Variants in ZNF668 observed in about 807,000 individuals in gnomAD.
ZNF668 encodes zinc finger protein 668.
Under a neutral mutation model 40.3 loss-of-function variants are expected in ZNF668, and 10 were observed. That is an observed-to-expected ratio of 0.25 (90% CI 0.15 to 0.42). ZNF668 has a LOEUF of 0.42. ZNF668 is among the 10% of genes least tolerant of loss of function. ZNF668 has a pLI of 1.00. For missense variants in ZNF668, 749 were observed against 904.6 expected (o/e 0.83, Z 2.21); for synonymous variants, 428 against 384.6 (o/e 1.11, Z -1.32).
intron 1 of ZNF668, among the ~76,000 whole-genome samples, chr16:31,067,333 G>A (rs932870472): frequency 6.6e-6 from 1 of 152,162 alleles, no homozygotes; most frequent in Non-Finnish European, 1.5e-5. Context: ...TACCCTTCAT[G>A]GCAACCCCAT....
At chr16:31,068,494 T>C (rs559342681) in intron 1 of ZNF668, among the ~76,000 whole-genome samples, 7 of 149,580 alleles carry the variant, frequency 4.7e-5, no homozygotes, top group Non-Finnish European at 1.0e-4. Context: ...AGTGCTGGGA[T>C]TACAGGCGAG....
intron 1 of ZNF668, chr16:31,066,018 G>A (rs1347716728): frequency 2.0e-6 from 2 of 985,256 alleles, no homozygotes; most frequent in Non-Finnish European, 2.4e-6. Flanking sequence ...AAGGGCGGGA[G>A]AAGCAGCTTA....
At position 31,064,139 on chromosome 16, in the gene ZNF668, C is replaced by G; in HGVS notation, c.321G>C (p.Thr107=). Residue 107 remains threonine, a synonymous_variant, in exon 2 of 3, where the codon ACG becomes ACC. Transcript: ENST00000300849. ...CGGGGCACGGAAAGGGCTTCTCCCCCGTGTGGCTGCGCCCGTGGCTGCGCA... is the reference window on the plus strand; with the variant it reads ...CGGGGCACGGAAAGGGCTTCTCCCCGGTGTGGCTGCGCCCGTGGCTGCGCA... ...PELRSHGRSH[T]GEKPFPCPEC... The G allele has an allele frequency of 6.2e-7, 1 of 1,607,626 alleles. No individual in the cohort carries two copies. Among genetic ancestry groups the G allele is most frequent in the Non-Finnish European group, 8.5e-7 (1 of 1,178,540 alleles).
intron 1 of ZNF668, chr16:31,065,954 G>A (rs751828192): frequency 1.1e-6 from 1 of 930,052 alleles, no homozygotes; most frequent in East Asian, 1.2e-4. Flanking sequence ...AAACTGAGCT[G>A]AGCCACGAGG....
In ZNF668 at chr16:31,066,062, G is replaced by A. The variant is rs1192093215; in HGVS notation, c.-22-1581C>T. 10 of 985,350 alleles carry A rather than the reference G, an allele frequency of 1.0e-5. No homozygotes were observed. In the South Asian group the frequency reaches 4.7e-4, roughly 46 times the overall value. 61.0% of individuals were successfully genotyped at this position (985,350 alleles called of 1,614,324 possible). On this transcript the variant is annotated intron_variant, in intron 1 of 2. Coordinates refer to ENST00000300849, the MANE Select transcript of ZNF668 (RefSeq NM_024706.5). ...ACCCAGGGAGGACACAGGAGCCCCT[G>A]ACGCGTGGCAAGGGCCACATCCTTA...
intron 1 of ZNF668, chr16:31,064,793 G>T: frequency 2.0e-6 from 3 of 1,472,448 alleles, no homozygotes; most frequent in Admixed American, 2.4e-5. Context: ...GGTTCCATCT[G>T]TCTCACCATC....
chr16:31,071,587 A>T (rs2057015819), intron 1 of ZNF668, among the ~76,000 whole-genome samples: 1 of 152,180 alleles, frequency 6.6e-6, no homozygotes, highest in African/African-American at 2.4e-5. Flanking sequence ...CTAGGACTAT[A>T]GGCACCCACC....
At chr16:31,065,023 A>C in intron 1 of ZNF668, 12 of 1,128,476 alleles carry the variant, frequency 1.1e-5, no homozygotes, top group Non-Finnish European at 1.2e-5. Flanking sequence ...CCTCAGAGAC[A>C]GCAACTGTTC....
rs2056970260 is a variant in ZNF668 at position 31,064,896 on chromosome 16, A to C, written c.-22-415T>G. The stretch of plus-strand genomic sequence containing the variant: ...CTGAAGGTCTCCAAGCGCCCAGAAA[A>C]GACAGACCTGGGACCAGAAAAGGGC... On this transcript the variant is annotated intron_variant, in intron 1 of 2. Transcript: ENST00000300849. 2.3e-5 allele frequency: 32 copies of C among 1,410,504 alleles called. No homozygotes were observed. The South Asian group carries it at 5.0e-4, about 22-fold the overall frequency. 87.4% of individuals were successfully genotyped at this position (1,410,504 alleles called of 1,614,324 possible). A position where few individuals can be genotyped will look rare whatever the true frequency, so the allele number is the denominator to read the frequency against.
At chr16:31,063,448 T>C (rs763739376) in intron 2 of ZNF668, among the ~76,000 whole-genome samples, 1 of 146,294 alleles carries the variant, frequency 6.8e-6, no homozygotes, top group Non-Finnish European at 1.5e-5. Context: ...ATGTCATTAA[T>C]GTAGAGGCTG....
chr16:31,066,954 G>C (rs1398531161), intron 1 of ZNF668, among the ~76,000 whole-genome samples: 1 of 151,976 alleles, frequency 6.6e-6, no homozygotes, highest in South Asian at 2.1e-4. Context: ...ACCAAGGCGG[G>C]TGGATCGCTT....
At chr16:31,066,281 C>A (rs2056981480) in intron 1 of ZNF668, 1 of 985,314 alleles carries the variant, frequency 1.0e-6, no homozygotes, top group African/African-American at 1.7e-5. Flanking sequence ...CTGACAAGTC[C>A]TTCACTGGAG....
At chr16:31,065,947 CTG>C (rs1477880881) in intron 1 of ZNF668, 30 of 896,750 alleles carry the variant, frequency 3.3e-5, no homozygotes, top group Non-Finnish European at 4.0e-5. Context: ...GAGGAGGAAA[CTG>C]AGCTGAGCCA....
In ZNF668 at chr16:31,060,910, G is replaced by C; in HGVS notation, c.*158C>G. The C allele has an allele frequency of 1.1e-6, 1 of 881,300 alleles. No individual in the cohort carries two copies. The highest frequency in any genetic ancestry group is 2.9e-5 in the East Asian group (1 of 34,302). The allele number at this position is 881,300 out of a possible 1,614,324, so 54.6% of individuals were successfully genotyped here. ...GACAGTCACGTCTCAGCTTCTGCCA[G>C]CCTCCACTGTCCCAGCTCTCTTAGC... On this transcript the variant is annotated 3_prime_UTR_variant, in exon 3 of 3. Coordinates refer to ENST00000300849, the MANE Select transcript of ZNF668 (RefSeq NM_024706.5).
In ZNF668 at chr16:31,063,785, G is replaced by C. The variant is rs763894851; in HGVS notation, c.647+28C>G. On this transcript the variant is annotated intron_variant, in intron 2 of 2. Transcript: ENST00000300849. ...GCAACGCTGTCGCCCTGCCCCGGAA[G>C]GCGCCCTGCCCCGGAAGGCACCCTC... 18 of 1,517,114 alleles carry C rather than the reference G, an allele frequency of 1.2e-5. No individual in the cohort carries two copies. The South Asian group carries it at 2.3e-4, about 19-fold the overall frequency. The allele number at this position is 1,517,114 out of a possible 1,614,324, so 94.0% of individuals were successfully genotyped here.
intron 1 of ZNF668, among the ~76,000 whole-genome samples, chr16:31,069,932 G>A (rs1264855347): frequency 4.0e-5 from 6 of 150,774 alleles, no homozygotes; most frequent in South Asian, 2.1e-4. Flanking sequence ...CCGCCACCAC[G>A]CCCGGCTAAT....
At chr16:31,068,942 A>G (rs1262209932) in intron 1 of ZNF668, 1 of 152,120 alleles carries the variant, frequency 6.6e-6, no homozygotes, top group Non-Finnish European at 1.5e-5. Flanking sequence ...ACACATCCTT[A>G]GGTCTCCACG....
rs948963663 is a variant in ZNF668, at chr16:31,063,743, A to G, written c.647+70T>C. The stretch of plus-strand genomic sequence containing the variant: ...TCACTTTACCCTGAGACTCAAACCC[A>G]GGCCCCATTGGCTGCAGCAACGCTG... On this transcript the variant is annotated intron_variant, in intron 2 of 2. Transcript: ENST00000300849. The G allele has an allele frequency of 3.5e-6, 5 of 1,427,340 alleles. No individual in the cohort carries two copies. In the African/African-American group the frequency reaches 7.1e-5, roughly 20 times the overall value. 88.4% of individuals were successfully genotyped at this position (1,427,340 alleles called of 1,614,324 possible).
At position 31,074,202 on chromosome 16, in the gene ZNF668, A is replaced by C. The variant is rs1226787099; in HGVS notation, c.-566T>G. 6.6e-6 allele frequency: 1 copy of C among 152,160 alleles called. No individual in the cohort carries two copies. Among genetic ancestry groups the C allele is most frequent in the East Asian group, 1.9e-4 (1 of 5,190 alleles). The allele number at this position is 152,160 out of a possible 1,614,324, so 9.4% of individuals were successfully genotyped here. The stretch of plus-strand genomic sequence containing the variant: ...CCCTTTCTGCGCCTATTCAATATGC[A>C]CCGGAACGATTCTAGCTGCTCTTGC... On this transcript the variant is annotated 5_prime_UTR_variant, in exon 1 of 3. Transcript: ENST00000300849.
Sources: allele counts gnomAD v4.1 joint callset (sites outside exome capture counted in the v4.1 genomes callset), GRCh38; gene constraint gnomAD v4.1.1; transcripts MANE v1.5; gene names NCBI Gene and HGNC (gene_info 2026-07-23, HGNC 2026-07-21).